SGIP1: variants seen among roughly 807,000 people sequenced by gnomAD.
The protein encoded by SGIP1 is SH3GL interacting endocytic adaptor 1, also known as SH3-containing GRB2-like protein 3-interacting protein 1.
SGIP1 carries 38 observed loss-of-function variants against 107.5 expected under a neutral mutation model. The ratio of observed to expected loss-of-function variants is 0.35; its 90% CI spans 0.27 to 0.46. The LOEUF (loss-of-function observed/expected upper bound fraction) is 0.46, where lower values mean the gene tolerates loss of function less well. Ranked by LOEUF, SGIP1 falls within the 20% of genes least tolerant of loss-of-function variation. The pLI is 1.00. For synonymous variants in SGIP1, 365 were observed against 366.1 expected, an observed-to-expected ratio of 1.00 and a Z score of 0.03; for missense variants, 929 against 1,019.5, an observed-to-expected ratio of 0.91 and a Z score of 1.21.
intron 18 of SGIP1, among the ~76,000 whole-genome samples, chr1:66,700,940 A>G (rs753622575): frequency 1.9e-4 from 29 of 152,258 alleles, no homozygotes; most frequent in Admixed American, 2.6e-4. Context: ...TACGTTTCTG[A>G]AAGGACCTTA....
chr1:66,571,709 A>C (rs1357205269), intron 1 of SGIP1, among the ~76,000 whole-genome samples: 1 of 152,016 alleles, frequency 6.6e-6, no homozygotes, highest in East Asian at 1.9e-4. Context: ...TAAGCTTGCC[A>C]TTCAAGTCCC....
At chr1:66,705,968 C>T (rs1411776495) in intron 18 of SGIP1, among the ~76,000 whole-genome samples, 3 of 151,982 alleles carry the variant, frequency 2.0e-5, no homozygotes, top group African/African-American at 7.2e-5. Context: ...AGCAAACCAC[C>T]ATGGCACATG....
chr1:66,571,718 C>T (rs1284720963), intron 1 of SGIP1, among the ~76,000 whole-genome samples: 1 of 151,936 alleles, frequency 6.6e-6, no homozygotes, highest in Non-Finnish European at 1.5e-5. Flanking sequence ...CATTCAAGTC[C>T]CTTTATAAAA....
chr1:66,636,355 A>T (rs2075778073), intron 4 of SGIP1, among the ~76,000 whole-genome samples: 1 of 152,234 alleles, frequency 6.6e-6, no homozygotes, highest in Non-Finnish European at 1.5e-5. Flanking sequence ...ACATAAATTG[A>T]GTAGTCATTT....
chr1:66,534,264 G>C lies in SGIP1; in HGVS notation c.-95G>C. On this transcript the variant is annotated 5_prime_UTR_variant, in exon 1 of 25. Transcript: ENST00000371037. ...TTGACAGCGGACGGAATAGACCTCAGCAGCGGCGTGGTGAGGACTTAGCTG... is the reference window on the plus strand; with the variant it reads ...TTGACAGCGGACGGAATAGACCTCACCAGCGGCGTGGTGAGGACTTAGCTG... 1 of 1,312,572 alleles carries C rather than the reference G, an allele frequency of 7.6e-7. No individual in the cohort carries two copies. Among genetic ancestry groups the C allele is most frequent in the Non-Finnish European group, 1.1e-6 (1 of 905,844 alleles). The allele number at this position is 1,312,572 out of a possible 1,614,324, so 81.3% of individuals were successfully genotyped here.
chr1:66,687,298 C>CAAA (rs550250808), intron 15 of SGIP1, among the ~76,000 whole-genome samples: 1,921 of 137,692 alleles, frequency 0.014, 45 homozygotes, highest in African/African-American at 0.046. Context: ...CCATCAACAC[C>CAAA]AAAAAAAAAA....
At chr1:66,644,834 A>G (rs1057064633) in intron 7 of SGIP1, among the ~76,000 whole-genome samples, 2 of 152,192 alleles carry the variant, frequency 1.3e-5, no homozygotes, top group African/African-American at 4.8e-5. Context: ...ATTTAAGGTG[A>G]TTTTTAATCA....
At chr1:66,739,830 G>T (rs1235156511) in intron 22 of SGIP1, among the ~76,000 whole-genome samples, 2 of 152,148 alleles carry the variant, frequency 1.3e-5, no homozygotes, top group East Asian at 3.8e-4. Flanking sequence ...AAAGTAGAAG[G>T]CTACCGGTAG....
chr1:66,650,319 A>C (rs2078492472), intron 7 of SGIP1, among the ~76,000 whole-genome samples: 1 of 152,194 alleles, frequency 6.6e-6, no homozygotes, highest in Admixed American at 6.5e-5. Flanking sequence ...TCACAATGGC[A>C]CACTTCATTG....
rs1366729333 is a variant in SGIP1, at chr1:66,695,262, A to AAAAAAAAAAAT, written c.1571-163_1571-162insATAAAAAAAAA. The AAAAAAAAAAAT allele has an allele frequency of 6.9e-6, 9 of 1,303,990 alleles. No individual in the cohort carries two copies. The East Asian group carries it at 2.3e-4, about 33-fold the overall frequency. 80.8% of individuals were successfully genotyped at this position (1,303,990 alleles called of 1,614,324 possible). On this transcript the variant is annotated intron_variant, in intron 17 of 24. Coordinates refer to ENST00000371037, the MANE Select transcript of SGIP1 (RefSeq NM_032291.4). ...GCTTTCTGTTTCCTGAACTAAAAAA[A>AAAAAAAAAAAT]AAAAAAAAAGTGTAGATTGCCAGCC...
chr1:66,748,108 G>A lies in SGIP1; in HGVS notation c.*5013G>A. 1 of 151,762 alleles carries A rather than the reference G, an allele frequency of 6.6e-6. No homozygotes were observed. The highest frequency in any genetic ancestry group is 3.2e-3 in the Middle Eastern group (1 of 316). The allele number at this position is 151,762 out of a possible 1,614,324, so 9.4% of individuals were successfully genotyped here. ...TTTACTGTGTGCACTTTCCTCTTAA[G>A]GTTTTATTGTATTTTCCCTGCTCCT... On this transcript the variant is annotated 3_prime_UTR_variant, in exon 25 of 25. Transcript: ENST00000371037.
intron 7 of SGIP1, among the ~76,000 whole-genome samples, chr1:66,650,352 A>G (rs1480630509): frequency 6.6e-6 from 1 of 152,166 alleles, no homozygotes; most frequent in African/African-American, 2.4e-5. Context: ...AATTGACTTT[A>G]TTTCTAACTC....
intron 1 of SGIP1, among the ~76,000 whole-genome samples, chr1:66,552,335 A>G (rs1041093973): frequency 6.6e-6 from 1 of 152,092 alleles, no homozygotes; most frequent in Non-Finnish European, 1.5e-5. Context: ...TAACAACACA[A>G]TTTCTGGGGC....
chr1:66,688,997 AAAAG>A, intron 15 of SGIP1, 147 bp from the exon 16 acceptor site: 1 of 826,940 alleles, frequency 1.2e-6, no homozygotes, highest in Non-Finnish European at 1.8e-6. Context: ...ATTAAGAAAA[AAAAG>A]AGAAAAAAGA....
rs527677222 is a variant in SGIP1 at position 66,550,110 on chromosome 1, C to A, written c.10+15742C>A. 2.6e-5 allele frequency among the ~76,000 whole-genome samples: 4 copies of A among 152,244 alleles called. No homozygotes were observed. The South Asian group carries it at 8.3e-4, about 32-fold the overall frequency. Reference sequence around the variant, plus strand: ...TATGAGACTGAGGGATATTCCTTCTCATTATTCTTGAGAAAGTCTTTCTTG... The same window carrying A: ...TATGAGACTGAGGGATATTCCTTCTAATTATTCTTGAGAAAGTCTTTCTTG... On this transcript the variant is annotated intron_variant, in intron 1 of 24. Transcript: ENST00000371037.
chr1:66,744,330 C>T lies in SGIP1; in HGVS notation c.*1235C>T, dbSNP rs116423525. 3.4e-4 allele frequency: 52 copies of T among 152,128 alleles called. No homozygotes were observed. Among genetic ancestry groups the T allele is most frequent in the African/African-American group, 1.2e-3 (51 of 41,530 alleles). 9.4% of individuals were successfully genotyped at this position (152,128 alleles called of 1,614,324 possible). ...AAGGAGAGTTATCAAAAATGTATGT[C>T]GTTTCATCGTTGCAAGGTATAATAA... is the stretch of plus-strand genomic sequence containing the variant. On this transcript the variant is annotated 3_prime_UTR_variant, in exon 25 of 25. Transcript: ENST00000371037.
intron 1 of SGIP1, among the ~76,000 whole-genome samples, chr1:66,566,638 T>C (rs926990068): frequency 1.3e-5 from 2 of 151,998 alleles, no homozygotes; most frequent in Non-Finnish European, 2.9e-5. Context: ...TATGAAAATA[T>C]AGTATAAAAC....
At chr1:66,563,847 G>C (rs749126615) in intron 1 of SGIP1, among the ~76,000 whole-genome samples, 6 of 151,990 alleles carry the variant, frequency 3.9e-5, no homozygotes, top group Non-Finnish European at 8.8e-5. Flanking sequence ...AGCTAGCAAA[G>C]AGAAAGATGA....
intron 18 of SGIP1, among the ~76,000 whole-genome samples, chr1:66,710,076 A>G (rs1395817274): frequency 6.6e-6 from 1 of 152,016 alleles, no homozygotes; most frequent in Non-Finnish European, 1.5e-5. Context: ...TTAAAAATTT[A>G]TATGTAGTAA....
Sources: allele counts gnomAD v4.1 joint callset (sites outside exome capture counted in the v4.1 genomes callset), GRCh38; gene constraint gnomAD v4.1.1; transcripts MANE v1.5; gene names NCBI Gene and HGNC (gene_info 2026-07-23, HGNC 2026-07-21).